Variants in PTPN5 observed in about 807,000 individuals in gnomAD.
PTPN5 encodes the protein protein tyrosine phosphatase non-receptor type 5, also known as tyrosine-protein phosphatase non-receptor type 5.
In PTPN5, 29 loss-of-function variants were observed where a neutral mutation model predicts 73.9. That is an observed-to-expected ratio of 0.39 (90% CI 0.29 to 0.54). The LOEUF (loss-of-function observed/expected upper bound fraction) is 0.54. Among genes scored for constraint, PTPN5 ranks in the 20% least tolerant of loss-of-function variants. PTPN5 has a pLI of 0.65. For missense variants in PTPN5, 652 were observed against 751.4 expected (o/e 0.87, Z 1.55); for synonymous variants, 267 against 304.7 (o/e 0.88, Z 1.29).
At chr11:18,781,272 A>G (rs1851411824) in intron 1 of PTPN5, among the ~76,000 whole-genome samples, 1 of 149,638 alleles carries the variant, frequency 6.7e-6, no homozygotes, top group Non-Finnish European at 1.5e-5. Flanking sequence ...GCAGGAAGTC[A>G]GTTTACATTT....
chr11:18,728,871 C>T lies in PTPN5; in HGVS notation c.*63G>A. ...AGCAGGCCCAGGACCCGAGGCAGGG[C>T]CCTGGGTGAGGGCCGAGACTCAGGC... On this transcript the variant is annotated 3_prime_UTR_variant, in exon 15 of 15. Coordinates refer to ENST00000358540, the MANE Select transcript of PTPN5 (RefSeq NM_006906.2). This position sits in a 1 kb window ranked among gnomAD's most constrained non-coding sequence, Gnocchi z 4.1. The T allele has an allele frequency of 6.6e-7, 1 of 1,513,818 alleles. No homozygotes were observed. The highest frequency in any genetic ancestry group is 9.0e-7 in the Non-Finnish European group (1 of 1,109,714). The allele number at this position is 1,513,818 out of a possible 1,614,324, so 93.8% of individuals were successfully genotyped here.
intron 3 of PTPN5, among the ~76,000 whole-genome samples, chr11:18,753,219 C>T (rs1438949718): frequency 2.0e-5 from 3 of 152,200 alleles, no homozygotes; most frequent in Non-Finnish European, 4.4e-5. Context: ...CCTCCAGAGG[C>T]TGCCAACCAT....
intron 3 of PTPN5, among the ~76,000 whole-genome samples, chr11:18,748,356 G>A (rs1849733411): frequency 6.6e-6 from 1 of 152,108 alleles, no homozygotes; most frequent in Non-Finnish European, 1.5e-5. Flanking sequence ...AAAACTGTAG[G>A]CTCATAGGGC....
At position 18,742,432 on chromosome 11, in the gene PTPN5, C is replaced by T; in HGVS notation, c.555G>A (p.Val185=). 1 of 1,614,188 alleles carries T rather than the reference C, an allele frequency of 6.2e-7. No individual in the cohort carries two copies. ...AGTAGGTGAAGGAGGGCTGGCGGCTCACTGACTGGCGCCTGTCCTCAGGGG... is the reference window on the plus strand; with the variant it reads ...AGTAGGTGAAGGAGGGCTGGCGGCTTACTGACTGGCGCCTGTCCTCAGGGG... ...PLPPEDRRQS[V]SRQPSFTYSE... is the part of the protein sequence containing the mutation. Residue 185 remains valine (V), a synonymous_variant, in exon 7 of 15, where the codon GTG becomes GTA. Transcript: ENST00000358540. The surrounding 1 kb of genome is among the most constrained non-coding windows in gnomAD (Gnocchi z 4.1).
chr11:18,740,645 A>G lies in PTPN5; in HGVS notation c.873T>C (p.His291=). Residue 291 remains histidine (H), a synonymous_variant, in exon 8 of 15, where the codon CAT becomes CAC. Coordinates refer to ENST00000358540, the MANE Select transcript of PTPN5 (RefSeq NM_006906.2). ...GCAGGAAAGGGTCCAGGGCCTTTTC[A>G]TGAAGCTCTTCTGCTTGGAGGACAC... ...ASRVLQAEEL[H]EKALDPFLLQ... is the part of the protein sequence containing the mutation. 1 of 1,596,134 alleles carries G rather than the reference A, an allele frequency of 6.3e-7. No homozygotes were observed. The highest frequency in any genetic ancestry group is 8.5e-7 in the Non-Finnish European group (1 of 1,171,904).
At position 18,740,584 on chromosome 11, in the gene PTPN5, C is replaced by T; in HGVS notation, c.915+19G>A. Reference sequence around the variant, plus strand: ...CATGGGTCTGCACACAGTGGGGCGACCGGCTCAAGGGAACTCACAAAGAAT... The same window carrying T: ...CATGGGTCTGCACACAGTGGGGCGATCGGCTCAAGGGAACTCACAAAGAAT... On this transcript the variant is annotated intron_variant, in intron 8 of 14. Transcript: ENST00000358540. The T allele has an allele frequency of 1.3e-6, 2 of 1,523,354 alleles. No individual in the cohort carries two copies. Among genetic ancestry groups the T allele is most frequent in the Non-Finnish European group, 8.8e-7 (1 of 1,133,210 alleles). The allele number at this position is 1,523,354 out of a possible 1,614,324, so 94.4% of individuals were successfully genotyped here. A position where few individuals can be genotyped will look rare whatever the true frequency, so the allele number is the denominator to read the frequency against.
At chr11:18,737,998 T>C (rs1217114886) in intron 8 of PTPN5, 34 bp from the exon 9 acceptor site, 2 of 1,574,900 alleles carry the variant, frequency 1.3e-6, no homozygotes, top group African/African-American at 2.7e-5. Flanking sequence ...TGAGCAGCTA[T>C]GGGCCCTCAC....
chr11:18,786,992 A>T (rs1426401777), intron 1 of PTPN5, among the ~76,000 whole-genome samples: 1 of 152,212 alleles, frequency 6.6e-6, no homozygotes, highest in Admixed American at 6.5e-5. Flanking sequence ...TTTGAAATGA[A>T]GCCAGAAGGA....
chr11:18,753,815 T>C (rs1850004283), intron 3 of PTPN5, among the ~76,000 whole-genome samples: 1 of 152,146 alleles, frequency 6.6e-6, no homozygotes, highest in African/African-American at 2.4e-5. Flanking sequence ...CAGGGACATC[T>C]TGGGGAGTGC....
At chr11:18,739,436 G>C (rs574376522) in intron 8 of PTPN5, among the ~76,000 whole-genome samples, 1 of 152,232 alleles carries the variant, frequency 6.6e-6, no homozygotes, top group Non-Finnish European at 1.5e-5. Context: ...GCACGGACGA[G>C]ACTGGCCCAG....
At chr11:18,731,253 T>C (rs1471791866) in intron 12 of PTPN5, among the ~76,000 whole-genome samples, 1 of 149,898 alleles carries the variant, frequency 6.7e-6, no homozygotes, top group Admixed American at 6.7e-5. Context: ...TACATACATA[T>C]ATGATATACA....
chr11:18,744,371 A>T (rs1849521153), intron 3 of PTPN5, 172 bp from the exon 4 acceptor site: 1 of 472,098 alleles, frequency 2.1e-6, no homozygotes, highest in East Asian at 3.5e-5. Context: ...CCTTCGTCAG[A>T]AAGAGCTAAG....
chr11:18,755,311 G>A (rs148780154), intron 3 of PTPN5, among the ~76,000 whole-genome samples: 1 of 152,202 alleles, frequency 6.6e-6, no homozygotes, highest in East Asian at 1.9e-4. Flanking sequence ...GAGATGTTGT[G>A]AGAGATCAGG....
chr11:18,786,671 G>A (rs1851687215), intron 1 of PTPN5, among the ~76,000 whole-genome samples: 1 of 152,184 alleles, frequency 6.6e-6, no homozygotes, highest in Admixed American at 6.5e-5. Context: ...ACCTGTGGCT[G>A]CAGATGGAAT....
chr11:18,790,574 A>G (rs1245101807), intron 1 of PTPN5, among the ~76,000 whole-genome samples: 1 of 152,164 alleles, frequency 6.6e-6, no homozygotes, highest in Admixed American at 6.5e-5. Flanking sequence ...AGGTTGAAGG[A>G]AGCAAATTAA....
intron 3 of PTPN5, among the ~76,000 whole-genome samples, chr11:18,759,109 G>C (rs1850276621): frequency 6.6e-6 from 1 of 152,096 alleles, no homozygotes; most frequent in East Asian, 1.9e-4. Flanking sequence ...CACTGCTGTA[G>C]AACTGGCCTG....
intron 8 of PTPN5, among the ~76,000 whole-genome samples, chr11:18,738,168 T>C (rs1849200398): frequency 6.6e-6 from 1 of 152,218 alleles, no homozygotes; most frequent in Non-Finnish European, 1.5e-5. Flanking sequence ...ATAAATATGA[T>C]AATGACTATT....
chr11:18,738,943 G>A (rs1347532826), intron 8 of PTPN5, among the ~76,000 whole-genome samples: 1 of 146,922 alleles, frequency 6.8e-6, no homozygotes, highest in African/African-American at 2.5e-5. Flanking sequence ...CTGCACTCCA[G>A]CCTGGGCAAC....
chr11:18,775,967 T>TG (rs1051793695), intron 1 of PTPN5, among the ~76,000 whole-genome samples: 17 of 152,200 alleles, frequency 1.1e-4, no homozygotes, highest in Non-Finnish European at 2.2e-4. Flanking sequence ...CAGGTTCAGC[T>TG]GTGATTTGAT....
Sources: gnomAD v4.1 joint callset for allele counts (sites outside exome capture counted in the v4.1 genomes callset) on GRCh38, gnomAD v4.1.1 for gene constraint, Gnocchi (gnomAD v3.1) non-coding constraint, MANE v1.5 for transcripts, NCBI Gene and HGNC (gene_info 2026-07-23, HGNC 2026-07-21) for gene names.